ZNF33B: variants seen among roughly 807,000 people sequenced by gnomAD.
The protein encoded by ZNF33B is zinc finger protein 11b (KOX 2).
A neutral mutation model predicts 45.8 loss-of-function variants in ZNF33B; 29 were observed. The ratio of observed to expected loss-of-function variants is 0.63; its 90% confidence interval spans 0.47 to 0.86. The LOEUF is 0.86. ZNF33B is among the 40% of genes least tolerant of loss of function. ZNF33B has a pLI of 0.00. For synonymous variants in ZNF33B, 305 were observed against 307.8 expected (o/e 0.99, Z 0.10); for missense variants, 831 against 909.9 (o/e 0.91, Z 1.12).
chr10:42,580,091 A>T (rs568267724), intron 1 of ZNF33B, among the ~76,000 whole-genome samples: 1 of 152,308 alleles, frequency 6.6e-6, no homozygotes, highest in Non-Finnish European at 1.5e-5. Flanking sequence ...GCTCTAGAGA[A>T]TATAGGTAAT....
intron 4 of ZNF33B, among the ~76,000 whole-genome samples, chr10:42,602,593 C>T (rs1345086173): frequency 6.6e-6 from 1 of 152,118 alleles, no homozygotes; most frequent in African/African-American, 2.4e-5. Flanking sequence ...CTAGGATGCA[C>T]TTAAGTCACT....
At chr10:42,602,848 C>T (rs1837683552) in intron 4 of ZNF33B, among the ~76,000 whole-genome samples, 1 of 139,348 alleles carries the variant, frequency 7.2e-6, no homozygotes, top group South Asian at 2.2e-4. Context: ...CTCATTTCCT[C>T]ATATACATGA....
intron 1 of ZNF33B, among the ~76,000 whole-genome samples, chr10:42,583,719 G>C (rs1374328830): frequency 1.3e-5 from 2 of 152,078 alleles, no homozygotes; most frequent in African/African-American, 4.8e-5. Context: ...ACGGGCCAGT[G>C]CAATACTTCC....
At chr10:42,617,924 A>G (rs939061492) in intron 4 of ZNF33B, among the ~76,000 whole-genome samples, 2 of 152,106 alleles carry the variant, frequency 1.3e-5, no homozygotes, top group African/African-American at 2.4e-5. Flanking sequence ...CCCTCCCTCA[A>G]TGCCAGTAGG....
At chr10:42,624,604 A>G (rs1398507105) in intron 4 of ZNF33B, among the ~76,000 whole-genome samples, 15 of 152,208 alleles carry the variant, frequency 9.9e-5, no homozygotes, top group Admixed American at 9.8e-4. Context: ...TAAAATAGAA[A>G]AGTTATAACA....
intron 4 of ZNF33B, among the ~76,000 whole-genome samples, chr10:42,599,212 G>A (rs1837523248): frequency 6.6e-6 from 1 of 151,952 alleles, no homozygotes; most frequent in South Asian, 2.1e-4. Flanking sequence ...GTTCCACCTA[G>A]AAGTTTATCC....
intron 3 of ZNF33B, 43 bp downstream of exon 3, chr10:42,632,252 A>G: frequency 6.3e-7 from 1 of 1,579,446 alleles, no homozygotes; most frequent in Non-Finnish European, 8.6e-7. Context: ...TATAATCAAA[A>G]TAAACGAATG....
At position 42,594,090 on chromosome 10, in the gene ZNF33B, T is replaced by C; in HGVS notation, c.860A>G (p.Lys287Arg). 1.9e-6 allele frequency: 3 copies of C among 1,614,046 alleles called. No individual in the cohort carries two copies. The highest frequency in any genetic ancestry group is 2.5e-6 in the Non-Finnish European group (3 of 1,179,948). ...FSDCEKFLCV[K>R]STLSKHDGVP... ...CCCATCATGTTTAGAAAGGGTGGAC[T>C]TCACACATAAGAACTTCTCACAATC... The change falls in exon 5 of 5, where the codon AAG becomes AGG. Residue 287 changes from lysine (K) to arginine (R), a missense_variant. Coordinates refer to ENST00000359467, the MANE Select transcript of ZNF33B (RefSeq NM_006955.3).
At chr10:42,586,117 T>C (rs1225164729), downstream of ZNF33B, among the ~76,000 whole-genome samples, 1 of 151,792 alleles carries the variant, frequency 6.6e-6, no homozygotes, top group African/African-American at 2.4e-5. Flanking sequence ...ACTGTTTACT[T>C]CCAGATGATC....
In ZNF33B at chr10:42,592,738, T is replaced by G; in HGVS notation, c.2212A>C (p.Lys738Gln). ...KIFYRKSDLA[K>Q]HQRSHTGEKP... ...TCCCCTGTATGTGATCTCTGATGTT[T>G]AGCAAGGTCTGATTTACGGTAAAAG... Residue 738 changes from lysine (K) to glutamine (Q), a missense_variant, in exon 5 of 5, where the codon AAA becomes CAA. Coordinates refer to ENST00000359467, the MANE Select transcript of ZNF33B (RefSeq NM_006955.3). 1 of 1,614,124 alleles carries G rather than the reference T, an allele frequency of 6.2e-7. No homozygotes were observed. The highest frequency in any genetic ancestry group is 8.5e-7 in the Non-Finnish European group (1 of 1,179,976).
chr10:42,580,312 C>T (rs1197503391), intron 1 of ZNF33B, among the ~76,000 whole-genome samples: 1 of 152,140 alleles, frequency 6.6e-6, no homozygotes, highest in Non-Finnish European at 1.5e-5. Flanking sequence ...GCAATCTCAG[C>T]TCACTGCAAC....
chr10:42,589,587 T>C lies in ZNF33B; in HGVS notation c.*3026A>G, dbSNP rs1837020884. 6.6e-6 allele frequency: 1 copy of C among 152,230 alleles called. No homozygotes were observed. The highest frequency in any genetic ancestry group is 6.5e-5 in the Admixed American group (1 of 15,280). The allele number at this position is 152,230 out of a possible 1,614,324, so 9.4% of individuals were successfully genotyped here. On this transcript the variant is annotated 3_prime_UTR_variant, in exon 5 of 5. Coordinates refer to ENST00000359467, the MANE Select transcript of ZNF33B (RefSeq NM_006955.3). ...ATTGGTTTTCACTTAACAATAAGCATTTAGGGTTCCTATATGTCTTTTAAT... is the reference window on the plus strand; with the variant it reads ...ATTGGTTTTCACTTAACAATAAGCACTTAGGGTTCCTATATGTCTTTTAAT...
Position 42,592,693 on chromosome 10 carries a change from T to C in ZNF33B, c.2257A>G (p.Thr753Ala), listed in dbSNP as rs919131154. 14 of 1,613,986 alleles carry C rather than the reference T, an allele frequency of 8.7e-6. No homozygotes were observed. The highest frequency in any genetic ancestry group is 1.7e-5 in the Admixed American group (1 of 60,000). The change falls in exon 5 of 5, where the codon ACA becomes GCA. Residue 753 changes from threonine (T) to alanine (A), a missense_variant. Coordinates refer to ENST00000359467, the MANE Select transcript of ZNF33B (RefSeq NM_006955.3). Reference protein sequence around the residue: ...HTGEKPYECNTCRKTFSQKSN... With the variant: ...HTGEKPYECNACRKTFSQKSN... Reference sequence around the variant, plus strand: ...TTTTGAGAGAAGGTTTTCCTGCATGTGTTACATTCATAGGGCTTTTCCCCT... The same window carrying C: ...TTTTGAGAGAAGGTTTTCCTGCATGCGTTACATTCATAGGGCTTTTCCCCT...
intron 4 of ZNF33B, among the ~76,000 whole-genome samples, chr10:42,622,973 A>G (rs1351264219): frequency 1.2e-4 from 19 of 152,230 alleles, no homozygotes; most frequent in Non-Finnish European, 2.5e-4. Context: ...GCAACAAAAG[A>G]AAGAGTAGGT....
chr10:42,622,661 C>T (rs1369222509), intron 4 of ZNF33B, among the ~76,000 whole-genome samples: 4 of 152,156 alleles, frequency 2.6e-5, no homozygotes, highest in African/African-American at 9.6e-5. Flanking sequence ...TACTCACAGA[C>T]AAAATAGATT....
intron 1 of ZNF33B, among the ~76,000 whole-genome samples, chr10:42,575,738 T>A (rs76257731): frequency 0.1 from 14,425 of 142,626 alleles, 1,230 homozygotes; most frequent in African/African-American, 0.23. Context: ...ACATATATAT[T>A]TTTTTTTTTT....
chr10:42,607,607 G>A (rs564528612), intron 4 of ZNF33B, among the ~76,000 whole-genome samples: 48 of 152,140 alleles, frequency 3.2e-4, no homozygotes, highest in African/African-American at 8.9e-4. Context: ...GCACGAGACC[G>A]AAAACAAAAA....
intron 2 of ZNF33B, among the ~76,000 whole-genome samples, chr10:42,635,731 AC>A (rs975361416): frequency 6.6e-6 from 1 of 151,290 alleles, no homozygotes; most frequent in African/African-American, 2.4e-5. Flanking sequence ...AATCACTTGA[AC>A]CAGGGAATCG....
At chr10:42,601,346 T>C (rs925721254) in intron 4 of ZNF33B, among the ~76,000 whole-genome samples, 1 of 152,160 alleles carries the variant, frequency 6.6e-6, no homozygotes, top group African/African-American at 2.4e-5. Context: ...TTGGAAATTT[T>C]TTCATTATTC....
Sources: allele counts gnomAD v4.1 joint callset (sites outside exome capture counted in the v4.1 genomes callset), GRCh38; gene constraint gnomAD v4.1.1; transcripts MANE v1.5; gene names NCBI Gene and HGNC (gene_info 2026-07-23, HGNC 2026-07-21).